KCMF1: variants seen among roughly 807,000 people sequenced by gnomAD.
The protein encoded by KCMF1 is potassium channel modulatory factor 1.
In KCMF1, 3 loss-of-function variants were observed where a neutral mutation model predicts 41.1. The observed-to-expected ratio is 0.07, with a 90% confidence interval of 0.03 to 0.19. The LOEUF is 0.19. KCMF1 is among the 10% of genes least tolerant of loss of function. The pLI, the probability that KCMF1 is intolerant of heterozygous loss-of-function variation, is 1.00. For missense variants in KCMF1, 286 were observed against 488.9 expected (o/e 0.58, Z 3.91); for synonymous variants, 142 against 164.5 (o/e 0.86, Z 1.04).
chr2:84,991,786 C>T (rs1674048044), intron 1 of KCMF1, among the ~76,000 whole-genome samples: 1 of 152,208 alleles, frequency 6.6e-6, no homozygotes, highest in Non-Finnish European at 1.5e-5. Context: ...CATAATACCT[C>T]CAACTGTGGT....
chr2:84,992,910 C>T (rs1674078232), intron 1 of KCMF1, among the ~76,000 whole-genome samples: 2 of 152,136 alleles, frequency 1.3e-5, no homozygotes, highest in African/African-American at 4.8e-5. Context: ...TCACCATAGA[C>T]AGTATCTTTC....
At chr2:84,990,171 G>C (rs1289920866) in intron 1 of KCMF1, among the ~76,000 whole-genome samples, 2 of 152,264 alleles carry the variant, frequency 1.3e-5, no homozygotes, top group African/African-American at 2.4e-5. Context: ...TTTCAAAGGA[G>C]TGGGCTGGAC....
intron 2 of KCMF1, among the ~76,000 whole-genome samples, chr2:85,033,107 A>G (rs1157373293): frequency 4.6e-5 from 7 of 152,134 alleles, no homozygotes; most frequent in Non-Finnish European, 2.9e-5. Context: ...ATCCCCAGCT[A>G]CTCCAAATTC....
chr2:84,990,106 G>A (rs1388212240), intron 1 of KCMF1, among the ~76,000 whole-genome samples: 3 of 152,216 alleles, frequency 2.0e-5, no homozygotes, highest in Admixed American at 6.5e-5. Flanking sequence ...AAGGAATGCC[G>A]TGTTCATTGG....
intron 1 of KCMF1, among the ~76,000 whole-genome samples, chr2:84,973,896 C>T (rs1673465045): frequency 7.0e-6 from 1 of 143,502 alleles, no homozygotes; most frequent in Non-Finnish European, 1.5e-5. Context: ...GGCGTGATCT[C>T]GGCTCACTGC....
Position 85,058,663 on chromosome 2 carries a change from T to C in KCMF1, c.*5254T>C, listed in dbSNP as rs973743721. ...CTAAACATTATTTACCAACTGCGAT[T>C]TTTACAGACTTCCCCTGTAAGAATT... On this transcript the variant is annotated 3_prime_UTR_variant, in exon 7 of 7. Coordinates refer to ENST00000409785, the MANE Select transcript of KCMF1 (RefSeq NM_020122.5). 3 of 152,186 alleles carry C rather than the reference T, an allele frequency of 2.0e-5. No homozygotes were observed. The highest frequency in any genetic ancestry group is 2.0e-4 in the Admixed American group (3 of 15,280). The allele number at this position is 152,186 out of a possible 1,614,324, so 9.4% of individuals were successfully genotyped here. A position where few individuals can be genotyped will look rare whatever the true frequency, so the allele number is the denominator to read the frequency against.
In KCMF1 at chr2:85,049,558, C is replaced by A; in HGVS notation, c.794C>A (p.Thr265Asn). Residue 265 changes from threonine to asparagine, a missense_variant, in exon 6 of 7, where the codon ACT becomes AAT. Thr to Asn is a moderately conservative substitution (Grantham distance 65, BLOSUM62 0). This residue lies in a region of KCMF1 where 191 missense variants were observed against 279.3 expected (regional missense o/e 0.68). Coordinates refer to ENST00000409785, the MANE Select transcript of KCMF1 (RefSeq NM_020122.5). ...TRRTNTSSVTTTITQSTATTN... is the reference protein window; with the variant it reads ...TRRTNTSSVTNTITQSTATTN... ...CGTACTAACACAAGCAGTGTCACCA[C>A]TACAATCACACAATCCACAGCAACA... 6.2e-7 allele frequency: 1 copy of A among 1,614,026 alleles called. No homozygotes were observed. Among genetic ancestry groups the A allele is most frequent in the Non-Finnish European group, 8.5e-7 (1 of 1,179,880 alleles).
intron 4 of KCMF1, 130 bp downstream of exon 4, chr2:85,043,795 C>G: frequency 1.5e-6 from 1 of 680,130 alleles, no homozygotes; most frequent in South Asian, 1.6e-5. Flanking sequence ...AGTGATCCTC[C>G]TGCTTCAGCC....
At chr2:84,993,869 C>T (rs1395096335) in intron 1 of KCMF1, among the ~76,000 whole-genome samples, 1 of 151,646 alleles carries the variant, frequency 6.6e-6, no homozygotes, top group Non-Finnish European at 1.5e-5. Flanking sequence ...AGCTACTGCG[C>T]TTGACCTACC....
chr2:85,008,388 T>C (rs1674562468), intron 1 of KCMF1, among the ~76,000 whole-genome samples: 1 of 133,604 alleles, frequency 7.5e-6, no homozygotes. Context: ...ATATTATATA[T>C]GATATATATT....
At chr2:85,049,147 C>G (rs1218951395) in intron 5 of KCMF1, among the ~76,000 whole-genome samples, 1 of 152,194 alleles carries the variant, frequency 6.6e-6, no homozygotes, top group Non-Finnish European at 1.5e-5. Flanking sequence ...AAACATAATT[C>G]AGTCTGGGTT....
At chr2:85,020,370 T>TCC (rs1217308948) in intron 1 of KCMF1, among the ~76,000 whole-genome samples, 1 of 152,252 alleles carries the variant, frequency 6.6e-6, no homozygotes, top group East Asian at 1.9e-4. Flanking sequence ...CATAGGTATC[T>TCC]CCCCCCATTG....
At chr2:85,046,503 G>T (rs1675670860) in intron 5 of KCMF1, among the ~76,000 whole-genome samples, 1 of 151,984 alleles carries the variant, frequency 6.6e-6, no homozygotes, top group Non-Finnish European at 1.5e-5. Context: ...GGTGGTGGGT[G>T]CCTGTAATCG....
intron 1 of KCMF1, among the ~76,000 whole-genome samples, chr2:85,002,108 A>G (rs563118460): frequency 5.9e-5 from 9 of 152,332 alleles, no homozygotes; most frequent in African/African-American, 2.2e-4. Flanking sequence ...AGAATTGATT[A>G]TATTAATAAC....
chr2:84,974,365 C>T (rs565464588), intron 1 of KCMF1, among the ~76,000 whole-genome samples: 5 of 152,016 alleles, frequency 3.3e-5, no homozygotes, highest in Non-Finnish European at 5.9e-5. Flanking sequence ...ACACTAAATC[C>T]TATGATTTTA....
At chr2:85,010,038 C>A (rs1374795388) in intron 1 of KCMF1, among the ~76,000 whole-genome samples, 1 of 152,200 alleles carries the variant, frequency 6.6e-6, no homozygotes, top group African/African-American at 2.4e-5. Flanking sequence ...AATTCAGTTA[C>A]CTAATTCTGC....
rs979896332 is a variant in KCMF1 at position 85,053,251 on chromosome 2, C to T, written c.988C>T (p.Arg330Cys). 5 of 1,613,928 alleles carry T rather than the reference C, an allele frequency of 3.1e-6. No individual in the cohort carries two copies. The highest frequency in any genetic ancestry group is 1.7e-5 in the Admixed American group (1 of 60,018). ...VQELLLSTLV[R>C]EESSSSDEDD... ...AGAGCTCCTTCTGTCCACTTTAGTG[C>T]GTGAAGAGAGCTCATCCTCAGATGA... Residue 330 changes from arginine to cysteine, a missense_variant, in exon 7 of 7, where the codon CGT becomes TGT. By Grantham distance (180) the Arg-to-Cys change is radical (BLOSUM62 -3). This residue lies in a region of KCMF1 where 191 missense variants were observed against 279.3 expected (regional missense o/e 0.68). Transcript: ENST00000409785.
chr2:85,025,164 G>C (rs375719011), intron 1 of KCMF1, among the ~76,000 whole-genome samples: 87 of 152,078 alleles, frequency 5.7e-4, no homozygotes, highest in African/African-American at 2.0e-3. Flanking sequence ...TAATTGTATT[G>C]AATCCACAAA....
chr2:85,042,262 T>A (rs773310831), intron 3 of KCMF1, among the ~76,000 whole-genome samples: 3 of 152,226 alleles, frequency 2.0e-5, no homozygotes, highest in Admixed American at 2.0e-4. Context: ...GAGACTGATA[T>A]CAAATCAGAG....
Sources: allele counts gnomAD v4.1 joint callset (sites outside exome capture counted in the v4.1 genomes callset), GRCh38; gene constraint gnomAD v4.1.1; regional missense constraint gnomAD v4.1.1; transcripts MANE v1.5; gene names NCBI Gene and HGNC (gene_info 2026-07-23, HGNC 2026-07-21).